ITFG1: variants seen among roughly 807,000 people sequenced by gnomAD.
The protein encoded by ITFG1 is T-cell immunomodulatory protein.
ITFG1 carries 34 observed loss-of-function variants against 81.8 expected under a neutral mutation model. The ratio of observed to expected loss-of-function variants is 0.42; its 90% CI spans 0.32 to 0.55. The LOEUF (loss-of-function observed/expected upper bound fraction) is 0.55, where lower values mean the gene tolerates loss of function less well. Ranked by LOEUF, ITFG1 falls within the 20% of genes least tolerant of loss-of-function variation. ITFG1 has a pLI of 0.17. For synonymous variants in ITFG1, 285 were observed against 270.6 expected (o/e 1.05, Z -0.52); for missense variants, 672 against 755.4 (o/e 0.89, Z 1.29).
intron 17 of ITFG1, among the ~76,000 whole-genome samples, chr16:47,158,079 T>C (rs1964743257): frequency 6.6e-6 from 1 of 152,194 alleles, no homozygotes; most frequent in Admixed American, 6.5e-5. Flanking sequence ...ACTTGATAGA[T>C]GAAAAAGATG....
intron 10 of ITFG1, among the ~76,000 whole-genome samples, chr16:47,310,076 A>G (rs1225978147): frequency 3.3e-5 from 5 of 152,228 alleles, no homozygotes; most frequent in African/African-American, 9.6e-5. Context: ...TAAACTCTGC[A>G]TAACAGAGCA....
intron 8 of ITFG1, among the ~76,000 whole-genome samples, chr16:47,350,551 C>G (rs774636896): frequency 6.6e-5 from 10 of 152,210 alleles, no homozygotes; most frequent in Non-Finnish European, 1.5e-4. Context: ...ATAACAGGCT[C>G]TGAAATTGAG....
chr16:47,352,430 T>C (rs1484725649), intron 8 of ITFG1, among the ~76,000 whole-genome samples: 1 of 152,192 alleles, frequency 6.6e-6, no homozygotes, highest in Non-Finnish European at 1.5e-5. Context: ...AAAGAAGACA[T>C]TTATGCAGCC....
chr16:47,356,191 A>G (rs962786651), intron 8 of ITFG1, among the ~76,000 whole-genome samples: 1 of 152,174 alleles, frequency 6.6e-6, no homozygotes, highest in African/African-American at 2.4e-5. Context: ...TAATGTGGCT[A>G]AACAATATTG....
intron 6 of ITFG1, chr16:47,425,890 C>G (rs1189186159): frequency 6.6e-6 from 1 of 152,110 alleles, no homozygotes; most frequent in Non-Finnish European, 1.5e-5. Context: ...TGCACCTGGC[C>G]TATTCCTTTC....
intron 5 of ITFG1, among the ~76,000 whole-genome samples, chr16:47,433,792 T>TATATATATACATACAC (rs1491145615): frequency 2.2e-5 from 3 of 135,652 alleles, no homozygotes; most frequent in African/African-American, 8.5e-5. Flanking sequence ...TATATATATA[T>TATATATATACATACAC]ACACACACAC....
intron 13 of ITFG1, among the ~76,000 whole-genome samples, chr16:47,236,778 A>G (rs1307750730): frequency 1.3e-5 from 2 of 152,178 alleles, no homozygotes; most frequent in Non-Finnish European, 2.9e-5. Flanking sequence ...GGTTGGACCA[A>G]ACATTCACAT....
chr16:47,347,626 T>C (rs1444270849), intron 8 of ITFG1, among the ~76,000 whole-genome samples: 4 of 152,232 alleles, frequency 2.6e-5, no homozygotes, highest in Admixed American at 6.5e-5. Flanking sequence ...GGGCAGGGCA[T>C]AGCCGAACAA....
At chr16:47,429,020 C>A in intron 5 of ITFG1, 122 bp from the exon 6 acceptor site, 1 of 630,876 alleles carries the variant, frequency 1.6e-6, no homozygotes, top group Non-Finnish European at 2.7e-6. Context: ...ATTCAACATA[C>A]AATTCATTCT....
intron 12 of ITFG1, among the ~76,000 whole-genome samples, chr16:47,243,607 C>CAT (rs1352367559): frequency 6.6e-6 from 1 of 151,990 alleles, no homozygotes; most frequent in East Asian, 1.9e-4. Flanking sequence ...AATTGTGGAA[C>CAT]ATATATAACA....
At position 47,301,409 on chromosome 16, in the gene ITFG1, C is replaced by CT. The variant is rs1013125084; in HGVS notation, c.1070+9830dup. ...TTCTTTTTCTTTTCTTCTTCTTCTT[C>CT]TTTTTTTTTTTTTGAGATGGCACTG... On this transcript the variant is annotated intron_variant, in intron 10 of 17. Coordinates refer to ENST00000320640, the MANE Select transcript of ITFG1 (RefSeq NM_030790.5). Among the ~76,000 whole-genome samples, 559 of 144,104 alleles carry CT rather than the reference C, an allele frequency of 3.9e-3. 2 individuals carry two copies. The highest frequency in any genetic ancestry group is 0.013 in the East Asian group (64 of 5,010). The allele number at this position is 144,104 out of a possible 152,430, so 94.5% of individuals were successfully genotyped here.
chr16:47,369,833 C>CTTTTTTT (rs71134539), intron 7 of ITFG1, among the ~76,000 whole-genome samples: 35 of 51,704 alleles, frequency 6.8e-4, no homozygotes, highest in African/African-American at 1.7e-3. Flanking sequence ...TCAATATCCT[C>CTTTTTTT]TTTTTTTTTT....
At chr16:47,433,897 T>C (rs1177870670) in intron 5 of ITFG1, among the ~76,000 whole-genome samples, 1 of 113,976 alleles carries the variant, frequency 8.8e-6, no homozygotes, top group Non-Finnish European at 1.7e-5. Flanking sequence ...TATATATATA[T>C]ATATATATAG....
chr16:47,341,319 T>A (rs1016495897), intron 8 of ITFG1, among the ~76,000 whole-genome samples: 29 of 144,600 alleles, frequency 2.0e-4, no homozygotes, highest in Non-Finnish European at 4.2e-4. Flanking sequence ...GCACTTGTAA[T>A]CCTAGCTACT....
In ITFG1 at chr16:47,289,652, G is replaced by A. The variant is rs571590929; in HGVS notation, c.1070+21588C>T. ...TGTTGGCATATAGTTGTTTGTAATA[G>A]TCTCTAATGGTCCTTGTATTTCTGT... On this transcript the variant is annotated intron_variant, in intron 10 of 17. Coordinates refer to ENST00000320640, the MANE Select transcript of ITFG1 (RefSeq NM_030790.5). Among the ~76,000 whole-genome samples the A allele has an allele frequency of 3.2e-4, 49 of 152,120 alleles. No individual in the cohort carries two copies. The South Asian group carries it at 1.0e-2, about 31-fold the overall frequency.
Position 47,402,101 on chromosome 16 carries a change from A to G in ITFG1, c.656-26161T>C, listed in dbSNP as rs13334553. The stretch of plus-strand genomic sequence containing the variant: ...ATAGGCACATGACAACTGTGCATAA[A>G]TATCCGGTGACTGAATAACCAAAAT... On this transcript the variant is annotated intron_variant, in intron 6 of 17. Transcript: ENST00000320640. 4.2e-3 allele frequency among the ~76,000 whole-genome samples: 635 copies of G among 152,358 alleles called. 6 individuals carry two copies. The highest frequency in any genetic ancestry group is 0.015 in the African/African-American group (605 of 41,580).
intron 8 of ITFG1, among the ~76,000 whole-genome samples, chr16:47,338,399 A>G (rs571732803): frequency 6.6e-6 from 1 of 152,074 alleles, no homozygotes; most frequent in African/African-American, 2.4e-5. Flanking sequence ...CAAGAGCAAA[A>G]CTCCTTCTCA....
chr16:47,326,589 C>T (rs1023431974), intron 8 of ITFG1, among the ~76,000 whole-genome samples: 8 of 152,260 alleles, frequency 5.3e-5, no homozygotes, highest in South Asian at 2.1e-4. Flanking sequence ...CGTCTCAGCA[C>T]AAAATCTCCT....
intron 8 of ITFG1, among the ~76,000 whole-genome samples, chr16:47,319,272 G>A (rs1371904839): frequency 2.0e-5 from 3 of 152,146 alleles, no homozygotes; most frequent in East Asian, 3.8e-4. Flanking sequence ...GCAGATAAAA[G>A]TTTTCCAAAA....
Sources: gnomAD v4.1 joint callset for allele counts (sites outside exome capture counted in the v4.1 genomes callset) on GRCh38, gnomAD v4.1.1 for gene constraint, MANE v1.5 for transcripts, NCBI Gene and HGNC (gene_info 2026-07-23, HGNC 2026-07-21) for gene names.